The following METTL24 variants were observed in gnomAD, a reference collection of about 807,000 sequenced individuals.
The protein encoded by METTL24 is methyltransferase like 24.
A neutral mutation model predicts 32.7 loss-of-function variants in METTL24; 29 were observed. The observed-to-expected ratio is 0.89, with a 90% CI of 0.66 to 1.21. METTL24 has a LOEUF of 1.21. Among genes scored for constraint, METTL24 ranks in the 50% most tolerant of loss-of-function variants. The probability of loss-of-function intolerance (pLI) is 0.00; values close to 1 mark genes in which losing one functional copy is unlikely to be tolerated. For synonymous variants in METTL24, 163 were observed against 179.5 expected, an observed-to-expected ratio of 0.91 and a Z score of 0.73; for missense variants, 439 against 468.1, an observed-to-expected ratio of 0.94 and a Z score of 0.57.
chr6:110,288,082 G>A (rs1338090493), intron 4 of METTL24, among the ~76,000 whole-genome samples: 2 of 152,146 alleles, frequency 1.3e-5, no homozygotes, highest in South Asian at 4.1e-4. Context: ...TTCACACCAG[G>A]GTCTCAGGCT....
In METTL24 at chr6:110,299,049, C is replaced by T; in HGVS notation, c.659G>A (p.Ser220Asn). 1 of 1,614,210 alleles carries T rather than the reference C, an allele frequency of 6.2e-7. No individual in the cohort carries two copies. Among genetic ancestry groups the T allele is most frequent in the Non-Finnish European group, 8.5e-7 (1 of 1,180,028 alleles). The change falls in exon 4 of 5, where the codon AGT becomes AAT. Residue 220 changes from serine (S) to asparagine (N), a missense_variant. Transcript: ENST00000338882. ...CAAGCGGTGATACCAAAGGTGCTGA[C>T]TCTCCAGAATGTGAGCTGACTTGAC... ...PSVKSAHILESQHLWYHRLSI... is the reference protein window; with the variant it reads ...PSVKSAHILENQHLWYHRLSI...
intron 1 of METTL24, among the ~76,000 whole-genome samples, chr6:110,351,445 G>A (rs535864473): frequency 6.6e-6 from 1 of 152,240 alleles, no homozygotes; most frequent in Non-Finnish European, 1.5e-5. Context: ...GATGGGTATA[G>A]ACATATGTAT....
intron 3 of METTL24, among the ~76,000 whole-genome samples, chr6:110,314,573 T>C (rs900644521): frequency 3.9e-5 from 6 of 152,198 alleles, no homozygotes; most frequent in African/African-American, 1.4e-4. Context: ...TTTTTAAAAA[T>C]GTAACTAGAT....
At chr6:110,335,715 G>A (rs755769167) in intron 1 of METTL24, among the ~76,000 whole-genome samples, 1 of 151,648 alleles carries the variant, frequency 6.6e-6, no homozygotes, top group African/African-American at 2.4e-5. Context: ...TGCACCTATT[G>A]TACTGGTAGG....
chr6:110,304,094 A>G (rs186346010), intron 3 of METTL24, among the ~76,000 whole-genome samples: 7 of 152,348 alleles, frequency 4.6e-5, no homozygotes, highest in Non-Finnish European at 8.8e-5. Flanking sequence ...TAGAAAAAAA[A>G]CTAACAAACA....
chr6:110,330,861 C>G (rs531713014), intron 1 of METTL24, among the ~76,000 whole-genome samples: 1 of 152,330 alleles, frequency 6.6e-6, no homozygotes, highest in South Asian at 2.1e-4. Flanking sequence ...TTCAAATTTT[C>G]AGGATACAGT....
chr6:110,356,681 A>C (rs76650322), intron 1 of METTL24, among the ~76,000 whole-genome samples: 1,663 of 152,242 alleles, frequency 0.011, 29 homozygotes, highest in African/African-American at 0.038. Flanking sequence ...CCCTTGGCAA[A>C]ACTGTGCTGA....
At chr6:110,280,808 C>T (rs1204197091) in intron 4 of METTL24, among the ~76,000 whole-genome samples, 1 of 152,116 alleles carries the variant, frequency 6.6e-6, no homozygotes, top group African/African-American at 2.4e-5. Context: ...TGTGCCACCA[C>T]ACCCAACCAA....
intron 4 of METTL24, among the ~76,000 whole-genome samples, chr6:110,292,290 G>A (rs561662319): frequency 1.3e-5 from 2 of 152,196 alleles, no homozygotes; most frequent in Non-Finnish European, 2.9e-5. Flanking sequence ...TTTGCAATGT[G>A]ATAGATATTG....
chr6:110,348,813 A>AC (rs1164586633), intron 1 of METTL24, among the ~76,000 whole-genome samples: 6 of 151,854 alleles, frequency 4.0e-5, no homozygotes, highest in Non-Finnish European at 5.9e-5. Context: ...GCTTTATTCC[A>AC]CCCCCCTAGA....
intron 3 of METTL24, among the ~76,000 whole-genome samples, chr6:110,299,779 T>A (rs930765618): frequency 6.6e-6 from 1 of 152,208 alleles, no homozygotes; most frequent in African/African-American, 2.4e-5. Context: ...AAGTACTCAA[T>A]AGGTAGCACA....
At position 110,347,050 on chromosome 6, in the gene METTL24, G is replaced by A. The variant is rs141133196; in HGVS notation, c.318+10905C>T. Among the ~76,000 whole-genome samples, 518 of 151,880 alleles carry A rather than the reference G, an allele frequency of 3.4e-3. 1 individual carries two copies. The highest frequency in any genetic ancestry group is 6.8e-3 in the Middle Eastern group (2 of 294). ...AATTTTGGACATTGATCCTTTATTGGTGCTATACATTGTAGATATCCTTGC... is the reference window on the plus strand; with the variant it reads ...AATTTTGGACATTGATCCTTTATTGATGCTATACATTGTAGATATCCTTGC... On this transcript the variant is annotated intron_variant, in intron 1 of 4. Transcript: ENST00000338882.
At chr6:110,319,088 T>C (rs927622801) in intron 2 of METTL24, among the ~76,000 whole-genome samples, 1 of 152,240 alleles carries the variant, frequency 6.6e-6, no homozygotes, top group Non-Finnish European at 1.5e-5. Flanking sequence ...ATGGTATTTC[T>C]GCCAACCCAT....
At chr6:110,351,288 T>G (rs1772596456) in intron 1 of METTL24, among the ~76,000 whole-genome samples, 1 of 152,172 alleles carries the variant, frequency 6.6e-6, no homozygotes, top group African/African-American at 2.4e-5. Context: ...ACCTAGATCT[T>G]GTAGGCGTAT....
Position 110,245,942 on chromosome 6 carries a change from C to T in METTL24, c.*4G>A, listed in dbSNP as rs780145510. On this transcript the variant is annotated 3_prime_UTR_variant, in exon 5 of 5. Transcript: ENST00000338882. ...TTCTTGTGCTCTTGATGACATCCTG[C>T]ATCCTATTTCCATCTTGTATTCACC... 1 of 1,602,548 alleles carries T rather than the reference C, an allele frequency of 6.2e-7. No homozygotes were observed. Among genetic ancestry groups the T allele is most frequent in the South Asian group, 1.1e-5 (1 of 89,458 alleles).
intron 4 of METTL24, among the ~76,000 whole-genome samples, chr6:110,280,306 T>C (rs112044933): frequency 0.014 from 2,122 of 152,286 alleles, 58 homozygotes; most frequent in African/African-American, 0.047. Context: ...TGTTTGGCCC[T>C]TTGCTTTGGG....
chr6:110,260,975 A>C (rs1481881679), intron 4 of METTL24, among the ~76,000 whole-genome samples: 1 of 152,230 alleles, frequency 6.6e-6, no homozygotes, highest in South Asian at 2.1e-4. Context: ...AGCACTAAAC[A>C]TGGAAAGGAA....
intron 1 of METTL24, among the ~76,000 whole-genome samples, chr6:110,345,704 C>T (rs970007715): frequency 2.0e-5 from 3 of 152,140 alleles, no homozygotes; most frequent in Non-Finnish European, 4.4e-5. Context: ...TATATTCTCA[C>T]TTGTAAATGG....
At position 110,358,021 on chromosome 6, in the gene METTL24, C is replaced by G; in HGVS notation, c.252G>C (p.Pro84=). The part of the protein sequence containing the change: ...TYVRSGRRAP[P]GGGGSGTPEP... Reference sequence around the variant, plus strand: ...CCGGCGTCCCGCTCCCGCCGCCCCCCGGCGGCGCCCGGCGACCGCTGCGCA... The same window carrying G: ...CCGGCGTCCCGCTCCCGCCGCCCCCGGGCGGCGCCCGGCGACCGCTGCGCA... Residue 84 remains proline (P), a synonymous_variant, in exon 1 of 5, where the codon CCG becomes CCC. Transcript: ENST00000338882. The G allele has an allele frequency of 8.8e-7, 1 of 1,134,404 alleles. No individual in the cohort carries two copies. The highest frequency in any genetic ancestry group is 1.1e-6 in the Non-Finnish European group (1 of 926,236). 70.3% of individuals were successfully genotyped at this position (1,134,404 alleles called of 1,614,324 possible).
Sources: gnomAD v4.1 joint callset for allele counts (sites outside exome capture counted in the v4.1 genomes callset) on GRCh38, gnomAD v4.1.1 for gene constraint, MANE v1.5 for transcripts, NCBI Gene and HGNC (gene_info 2026-07-23, HGNC 2026-07-21) for gene names.